Variants in LRRTM4 observed in about 807,000 individuals in gnomAD.
The protein encoded by LRRTM4 is leucine-rich repeat transmembrane neuronal protein 4.
In LRRTM4, 25 loss-of-function variants were observed where a neutral mutation model predicts 47.6. That is an observed-to-expected ratio of 0.53 (90% CI 0.38 to 0.73). LRRTM4 has a LOEUF of 0.73. Among genes scored for constraint, LRRTM4 ranks in the 30% least tolerant of loss-of-function variants. The pLI is 0.00. For synonymous variants in LRRTM4, 311 were observed against 269.5 expected (o/e 1.15, Z -1.51); for missense variants, 638 against 713.4 (o/e 0.89, Z 1.20).
chr2:76,917,858 A>G (rs1266080198), intron 3 of LRRTM4, among the ~76,000 whole-genome samples: 2 of 151,890 alleles, frequency 1.3e-5, no homozygotes, highest in Non-Finnish European at 2.9e-5. Context: ...GTTTTCCTCT[A>G]TTTTTCACTC....
intron 3 of LRRTM4, among the ~76,000 whole-genome samples, chr2:77,202,171 G>A (rs11126593): frequency 0.072 from 10,934 of 152,026 alleles, 613 homozygotes; most frequent in East Asian, 0.32. Context: ...CCAGATATTG[G>A]CAAAAGTGAT....
chr2:77,093,150 A>C (rs1042871794), intron 3 of LRRTM4, among the ~76,000 whole-genome samples: 23 of 147,152 alleles, frequency 1.6e-4, no homozygotes, highest in Non-Finnish European at 3.4e-4. Flanking sequence ...GTTCTCAACT[A>C]CTCATACATG....
chr2:77,194,312 C>T (rs1325666461), intron 3 of LRRTM4, among the ~76,000 whole-genome samples: 1 of 152,090 alleles, frequency 6.6e-6, no homozygotes, highest in Non-Finnish European at 1.5e-5. Context: ...AGCAAAAGTC[C>T]ATTTGATTTA....
At chr2:77,180,201 A>T (rs1436061914) in intron 3 of LRRTM4, among the ~76,000 whole-genome samples, 1 of 152,130 alleles carries the variant, frequency 6.6e-6, no homozygotes, top group East Asian at 1.9e-4. Flanking sequence ...AACAACAGGA[A>T]TTACAACTTT....
intron 3 of LRRTM4, among the ~76,000 whole-genome samples, chr2:77,442,030 A>T (rs1675861411): frequency 6.6e-6 from 1 of 152,176 alleles, no homozygotes; most frequent in South Asian, 2.1e-4. Context: ...CAGAGGCAGA[A>T]GTGGAGTATT....
Position 76,911,935 on chromosome 2 carries a change from TGGGG to T in LRRTM4, c.1552-163023_1552-163020del, listed in dbSNP as rs369269382. Among the ~76,000 whole-genome samples, 457 of 94,514 alleles carry T rather than the reference TGGGG, an allele frequency of 4.8e-3. 18 individuals carry two copies. The highest frequency in any genetic ancestry group is 0.016 in the African/African-American group (413 of 25,982). The allele number at this position is 94,514 out of a possible 152,430, so 62.0% of individuals were successfully genotyped here. A position where few individuals can be genotyped will look rare whatever the true frequency, so the allele number is the denominator to read the frequency against. Reference sequence around the variant, plus strand: ...AGAGTGAGTTGTGGTATGTGCTTTTTGGGGGGGGGGGGGGGACAGAGTCTCGCTC... The same window carrying T: ...AGAGTGAGTTGTGGTATGTGCTTTTTGGGGGGGGGGGACAGAGTCTCGCTC... On this transcript the variant is annotated intron_variant, in intron 3 of 3. Transcript: ENST00000409884.
At chr2:77,281,400 A>G (rs968655654) in intron 3 of LRRTM4, among the ~76,000 whole-genome samples, 3 of 151,972 alleles carry the variant, frequency 2.0e-5, no homozygotes, top group East Asian at 3.9e-4. Flanking sequence ...TTGAGCTTCT[A>G]TCTATTAATA....
intron 3 of LRRTM4, among the ~76,000 whole-genome samples, chr2:76,784,478 T>C (rs1475243059): frequency 6.6e-6 from 1 of 152,088 alleles, no homozygotes; most frequent in African/African-American, 2.4e-5. Flanking sequence ...TATACATAGA[T>C]ATATGAATGC....
At position 76,924,366 on chromosome 2, in the gene LRRTM4, T is replaced by G. The variant is rs192012231; in HGVS notation, c.1552-175450A>C. ...TGTGATTATGTAGATAAACCATATA[T>G]TCATCCCATTTCTCTTTTTCTTTGG... On this transcript the variant is annotated intron_variant, in intron 3 of 3. Coordinates refer to ENST00000409884, the MANE Select transcript of LRRTM4 (RefSeq NM_001134745.3). Among the ~76,000 whole-genome samples the G allele has an allele frequency of 1.4e-4, 22 of 152,238 alleles. No homozygotes were observed. In the East Asian group the frequency reaches 3.9e-3, roughly 27 times the overall value.
chr2:77,522,013 A>G, intron 1 of LRRTM4, 96 bp downstream of exon 1: 1 of 697,648 alleles, frequency 1.4e-6, no homozygotes, highest in Non-Finnish European at 2.7e-6. Flanking sequence ...ACCCATCAGC[A>G]GTAATTGGCA....
chr2:77,094,884 A>C (rs1441505958), intron 3 of LRRTM4, among the ~76,000 whole-genome samples: 1 of 152,190 alleles, frequency 6.6e-6, no homozygotes, highest in Admixed American at 6.5e-5. Flanking sequence ...ACAATTATTT[A>C]AATGTGACCC....
chr2:77,196,262 T>C (rs62160476), intron 3 of LRRTM4, among the ~76,000 whole-genome samples: 174 of 152,290 alleles, frequency 1.1e-3, no homozygotes, highest in Non-Finnish European at 2.0e-3. Flanking sequence ...AGTGATAAGA[T>C]CAGGGTAATA....
intron 3 of LRRTM4, among the ~76,000 whole-genome samples, chr2:76,983,743 C>A (rs1007942688): frequency 2.0e-5 from 3 of 152,012 alleles, no homozygotes; most frequent in African/African-American, 7.2e-5. Flanking sequence ...TGATGTGGAT[C>A]GTTTCCAATC....
intron 3 of LRRTM4, among the ~76,000 whole-genome samples, chr2:77,175,462 T>A (rs1026897113): frequency 1.3e-5 from 2 of 152,124 alleles, no homozygotes; most frequent in African/African-American, 4.8e-5. Flanking sequence ...CTGGAATGTG[T>A]CTAGACTTGC....
At chr2:77,465,164 C>T (rs535403240) in intron 3 of LRRTM4, among the ~76,000 whole-genome samples, 37 of 152,014 alleles carry the variant, frequency 2.4e-4, no homozygotes, top group Admixed American at 1.7e-3. Context: ...ACAATCTTCA[C>T]GAGCTTTAGG....
intron 3 of LRRTM4, among the ~76,000 whole-genome samples, chr2:77,369,961 T>C (rs13421155): frequency 0.034 from 5,098 of 151,914 alleles, 226 homozygotes; most frequent in African/African-American, 0.1. Flanking sequence ...AAAGTTGTTA[T>C]GATGCATGAC....
chr2:77,071,890 C>T (rs914792471), intron 3 of LRRTM4, among the ~76,000 whole-genome samples: 2 of 152,174 alleles, frequency 1.3e-5, no homozygotes, highest in African/African-American at 4.8e-5. Context: ...GCTTCATCTA[C>T]ATACCACCTC....
intron 3 of LRRTM4, among the ~76,000 whole-genome samples, chr2:76,963,793 T>G (rs1482161447): frequency 6.6e-6 from 1 of 150,772 alleles, no homozygotes; most frequent in Non-Finnish European, 1.5e-5. Flanking sequence ...TATCTAATAA[T>G]AGTAAGAAGT....
At position 76,939,516 on chromosome 2, in the gene LRRTM4, C is replaced by T. The variant is rs577287423; in HGVS notation, c.1552-190600G>A. Among the ~76,000 whole-genome samples, 317 of 151,732 alleles carry T rather than the reference C, an allele frequency of 2.1e-3. 1 individual carries two copies. Among genetic ancestry groups the T allele is most frequent in the Non-Finnish European group, 3.6e-3 (242 of 67,944 alleles). ...AATGCAATTCCTGGTTGGAAAGCTC[C>T]CGTGCAGTGATACATTTATATCATG... On this transcript the variant is annotated intron_variant, in intron 3 of 3. Coordinates refer to ENST00000409884, the MANE Select transcript of LRRTM4 (RefSeq NM_001134745.3).
Sources: allele counts gnomAD v4.1 joint callset (sites outside exome capture counted in the v4.1 genomes callset), GRCh38; gene constraint gnomAD v4.1.1; transcripts MANE v1.5; gene names NCBI Gene and HGNC (gene_info 2026-07-23, HGNC 2026-07-21).